Variants in KIFAP3 observed in about 807,000 individuals in gnomAD.
KIFAP3 encodes the protein kinesin-associated protein 3.
KIFAP3 carries 68 observed loss-of-function variants against 106.5 expected under a neutral mutation model. The ratio of observed to expected loss-of-function variants is 0.64; its 90% CI spans 0.53 to 0.78. KIFAP3 has a LOEUF of 0.78. KIFAP3 is among the 30% of genes least tolerant of loss of function. KIFAP3 has a pLI of 0.00. For missense variants in KIFAP3, 780 were observed against 941.8 expected (o/e 0.83, Z 2.25); for synonymous variants, 320 against 311.5 (o/e 1.03, Z -0.29).
intron 10 of KIFAP3, among the ~76,000 whole-genome samples, chr1:170,011,906 A>G (rs1173462357): frequency 6.6e-6 from 1 of 152,150 alleles, no homozygotes; most frequent in Non-Finnish European, 1.5e-5. Context: ...TGACCATTCT[A>G]GTAATATCAT....
At chr1:169,994,869 T>C (rs628436) in intron 10 of KIFAP3, among the ~76,000 whole-genome samples, 35,983 of 151,878 alleles carry the variant, frequency 0.24, 4,697 homozygotes, top group Non-Finnish European at 0.3. Flanking sequence ...AGAAGCTGAA[T>C]TAGAGTCAGA....
intron 17 of KIFAP3, 35 bp from the exon 18 acceptor site, chr1:169,961,270 A>C: frequency 3.2e-6 from 5 of 1,547,090 alleles, no homozygotes; most frequent in Non-Finnish European, 4.4e-6. Flanking sequence ...TTATTATATA[A>C]GCTAACTCAC....
At chr1:169,930,402 A>G (rs1663397298) in intron 19 of KIFAP3, among the ~76,000 whole-genome samples, 4 of 152,308 alleles carry the variant, frequency 2.6e-5, no homozygotes, top group Admixed American at 2.0e-4. Flanking sequence ...ATTCTCTTTC[A>G]TGATGGTCCT....
intron 19 of KIFAP3, chr1:169,922,981 G>T: frequency 2.9e-6 from 1 of 348,488 alleles, no homozygotes; most frequent in Non-Finnish European, 4.0e-6. Flanking sequence ...GAATGCGTGT[G>T]TGTGTTTGTG....
At chr1:170,003,508 G>T (rs556798026) in intron 10 of KIFAP3, among the ~76,000 whole-genome samples, 3 of 152,298 alleles carry the variant, frequency 2.0e-5, no homozygotes, top group African/African-American at 7.2e-5. Flanking sequence ...CAGTCTGCCC[G>T]TTCTCAGATC....
intron 19 of KIFAP3, among the ~76,000 whole-genome samples, chr1:169,932,719 T>A (rs5026424): frequency 0.88 from 123,889 of 141,496 alleles, 53,563 homozygotes; most frequent in East Asian, 0.98. Context: ...AATGTTAAGT[T>A]TTTTTTTTTG....
At chr1:170,027,744 A>C (rs6686398) in intron 8 of KIFAP3, among the ~76,000 whole-genome samples, 13,445 of 152,136 alleles carry the variant, frequency 0.088, 1,562 homozygotes, top group African/African-American at 0.26. Flanking sequence ...TCCCTGAAAA[A>C]ATAATAACAG....
At chr1:169,928,092 T>C (rs1012094675) in intron 19 of KIFAP3, among the ~76,000 whole-genome samples, 4 of 97,656 alleles carry the variant, frequency 4.1e-5, no homozygotes, top group Non-Finnish European at 7.8e-5. Flanking sequence ...CACAACAATG[T>C]TATCTTTTCT....
intron 10 of KIFAP3, among the ~76,000 whole-genome samples, chr1:170,004,530 C>T (rs1285645211): frequency 6.6e-6 from 1 of 151,986 alleles, no homozygotes; most frequent in African/African-American, 2.4e-5. Context: ...TGGAACAGAA[C>T]AGAGCTCTCA....
chr1:169,977,188 G>A lies in KIFAP3; in HGVS notation c.1897+897C>T, dbSNP rs190042908. Among the ~76,000 whole-genome samples the A allele has an allele frequency of 1.0e-3, 157 of 152,288 alleles. 1 individual carries two copies. The highest frequency in any genetic ancestry group is 2.5e-3 in the South Asian group (12 of 4,826). On this transcript the variant is annotated intron_variant, in intron 16 of 19. Coordinates refer to ENST00000361580, the MANE Select transcript of KIFAP3 (RefSeq NM_014970.4). ...TTGAGAAATGTGTGAATAAATGAAT[G>A]TTTAATTATATGTAGTAAAAGAGTT...
At chr1:170,048,176 G>A (rs561120410) in intron 2 of KIFAP3, among the ~76,000 whole-genome samples, 53 of 152,240 alleles carry the variant, frequency 3.5e-4, no homozygotes, top group African/African-American at 1.3e-3. Flanking sequence ...TTCTCCTGGG[G>A]TTCTACAAGC....
At chr1:170,078,596 T>G (rs752845681), upstream of KIFAP3, among the ~76,000 whole-genome samples, 7 of 152,178 alleles carry the variant, frequency 4.6e-5, no homozygotes, top group Non-Finnish European at 1.0e-4. Flanking sequence ...GAATGATATT[T>G]ATTAAGATGG....
intron 1 of KIFAP3, among the ~76,000 whole-genome samples, chr1:170,083,148 G>C (rs1266159984): frequency 6.6e-6 from 1 of 152,074 alleles, no homozygotes; most frequent in Non-Finnish European, 1.5e-5. Flanking sequence ...AAAGAATAGA[G>C]AGGCTAGAGA....
At chr1:170,058,123 T>C (rs751795779) in intron 1 of KIFAP3, among the ~76,000 whole-genome samples, 13 of 152,154 alleles carry the variant, frequency 8.5e-5, no homozygotes, top group Admixed American at 2.0e-4. Flanking sequence ...TTCATGTGGT[T>C]AGAGATATTA....
chr1:169,928,699 C>CAAAAAAAAAAAAAAAAAAAAAAAAAAAAA (rs10690029), intron 19 of KIFAP3, among the ~76,000 whole-genome samples: 8 of 37,778 alleles, frequency 2.1e-4, no homozygotes, highest in African/African-American at 2.8e-4. Context: ...ACCCTGTCTC[C>CAAAAAAAAAAAAAAAAAAAAAAAAAAAAA]AAAAAAAAAA....
At chr1:170,023,700 A>T (rs1291835920) in intron 9 of KIFAP3, among the ~76,000 whole-genome samples, 1 of 152,058 alleles carries the variant, frequency 6.6e-6, no homozygotes, top group Non-Finnish European at 1.5e-5. Context: ...CATGGTAAAA[A>T]GCAGATGAGA....
intron 3 of KIFAP3, among the ~76,000 whole-genome samples, chr1:170,040,724 T>C (rs1292667366): frequency 6.6e-6 from 1 of 152,154 alleles, no homozygotes; most frequent in Non-Finnish European, 1.5e-5. Flanking sequence ...CAACAAAATA[T>C]TTGTTTAATA....
intron 10 of KIFAP3, among the ~76,000 whole-genome samples, chr1:169,998,081 A>ACC (rs925993444): frequency 6.6e-6 from 1 of 150,484 alleles, no homozygotes; most frequent in Non-Finnish European, 1.5e-5. Context: ...CCCTCTCAAT[A>ACC]CCCCCCTCCA....
intron 1 of KIFAP3, among the ~76,000 whole-genome samples, chr1:170,065,816 T>C (rs1671416320): frequency 6.6e-6 from 1 of 152,172 alleles, no homozygotes; most frequent in African/African-American, 2.4e-5. Flanking sequence ...TCATTAGCCA[T>C]ACAGCCAGTG....
Sources: gnomAD v4.1 joint callset for allele counts (sites outside exome capture counted in the v4.1 genomes callset) on GRCh38, gnomAD v4.1.1 for gene constraint, MANE v1.5 for transcripts, NCBI Gene and HGNC (gene_info 2026-07-23, HGNC 2026-07-21) for gene names.